Variants in ILRUN observed in about 807,000 individuals in gnomAD.
ILRUN encodes inflammation and lipid regulator with UBA-like and NBR1-like domains.
Under a neutral mutation model 33.8 loss-of-function variants are expected in ILRUN, and 3 were observed. That is an observed-to-expected ratio of 0.09 (90% CI 0.04 to 0.23). The LOEUF is 0.23. Among genes scored for constraint, ILRUN ranks in the 10% least tolerant of loss-of-function variants. The probability of loss-of-function intolerance (pLI) is 1.00; values close to 1 mark genes in which losing one functional copy is unlikely to be tolerated. For synonymous variants in ILRUN, 124 were observed against 138.9 expected (o/e 0.89, Z 0.75); for missense variants, 210 against 375.1 (o/e 0.56, Z 3.64).
At chr6:34,680,510 A>G (rs1442734337) in intron 1 of ILRUN, among the ~76,000 whole-genome samples, 1 of 151,884 alleles carries the variant, frequency 6.6e-6, no homozygotes, top group African/African-American at 2.4e-5. Context: ...TGCTGCCCAG[A>G]CTGGAGTGCA....
At chr6:34,614,503 TTA>T (rs57837585) in intron 3 of ILRUN, among the ~76,000 whole-genome samples, 94 of 141,916 alleles carry the variant, frequency 6.6e-4, no homozygotes, top group African/African-American at 9.8e-4. Context: ...ATATTATATT[TTA>T]TATATATATA....
At chr6:34,651,788 A>AT (rs1762675788) in intron 2 of ILRUN, among the ~76,000 whole-genome samples, 1 of 138,298 alleles carries the variant, frequency 7.2e-6, no homozygotes, top group African/African-American at 2.8e-5. Flanking sequence ...ATTCCAAAAA[A>AT]CTTTTTTTTT....
intron 4 of ILRUN, among the ~76,000 whole-genome samples, chr6:34,596,581 T>C (rs1490646163): frequency 6.6e-6 from 1 of 152,196 alleles, no homozygotes; most frequent in African/African-American, 2.4e-5. Context: ...CCAAAAGTGC[T>C]GGGATTACAG....
chr6:34,608,471 G>A (rs1011909223), intron 3 of ILRUN, among the ~76,000 whole-genome samples: 2 of 152,158 alleles, frequency 1.3e-5, no homozygotes, highest in Non-Finnish European at 2.9e-5. Context: ...TACCTGCCTA[G>A]GGAACTTACC....
At chr6:34,615,817 C>T (rs549250747) in intron 3 of ILRUN, among the ~76,000 whole-genome samples, 4 of 152,130 alleles carry the variant, frequency 2.6e-5, no homozygotes, top group Non-Finnish European at 4.4e-5. Flanking sequence ...GGGAAACGCT[C>T]CCTTTCCCAG....
At chr6:34,622,118 A>G (rs986452471) in intron 3 of ILRUN, among the ~76,000 whole-genome samples, 1 of 152,208 alleles carries the variant, frequency 6.6e-6, no homozygotes. Flanking sequence ...CAAAGACCTA[A>G]CCATATGAGC....
intron 3 of ILRUN, among the ~76,000 whole-genome samples, chr6:34,644,343 T>C (rs1291590919): frequency 1.3e-5 from 2 of 152,324 alleles, no homozygotes; most frequent in East Asian, 1.9e-4. Context: ...AGCTCAACAT[T>C]TTTGAGTTAT....
At chr6:34,662,552 AT>A (rs1446498972) in intron 1 of ILRUN, among the ~76,000 whole-genome samples, 2 of 152,242 alleles carry the variant, frequency 1.3e-5, no homozygotes, top group African/African-American at 4.8e-5. Context: ...ATGGGATATT[AT>A]TTAGCCTTAA....
At chr6:34,690,469 A>T (rs1265251323) in intron 1 of ILRUN, among the ~76,000 whole-genome samples, 1 of 152,068 alleles carries the variant, frequency 6.6e-6, no homozygotes, top group African/African-American at 2.4e-5. Flanking sequence ...TCAAAAAAAA[A>T]TTAAAAATAA....
At position 34,642,633 on chromosome 6, in the gene ILRUN, A is replaced by AT. The variant is rs1485089496; in HGVS notation, c.511+3967dup. ...TCAAGAGCAAAGGTCATGGCAACAA[A>AT]TTTTTTTTGGCTCCGCAGGATATGT... On this transcript the variant is annotated intron_variant, in intron 3 of 4. Transcript: ENST00000374023. Among the ~76,000 whole-genome samples the AT allele has an allele frequency of 5.9e-5, 9 of 151,878 alleles. 2 individuals carry two copies. Among genetic ancestry groups the AT allele is most frequent in the South Asian group, 2.1e-4 (1 of 4,806 alleles).
At chr6:34,619,375 A>G (rs1761963352) in intron 3 of ILRUN, among the ~76,000 whole-genome samples, 2 of 152,152 alleles carry the variant, frequency 1.3e-5, no homozygotes, top group South Asian at 2.1e-4. Context: ...TTTGAGACAG[A>G]GAGTCTCACT....
At chr6:34,595,058 A>G (rs2127307957) in intron 4 of ILRUN, among the ~76,000 whole-genome samples, 1 of 152,350 alleles carries the variant, frequency 6.6e-6, no homozygotes, top group East Asian at 1.9e-4. Context: ...AGACATAAAG[A>G]TGAGCTCAGT....
At chr6:34,675,607 A>T (rs944754718) in intron 1 of ILRUN, among the ~76,000 whole-genome samples, 2 of 152,174 alleles carry the variant, frequency 1.3e-5, no homozygotes, top group African/African-American at 2.4e-5. Context: ...AGAAATCAAA[A>T]AGGAAAAGAC....
chr6:34,665,050 G>C (rs1039914077), intron 1 of ILRUN, among the ~76,000 whole-genome samples: 1 of 151,918 alleles, frequency 6.6e-6, no homozygotes, highest in Admixed American at 6.6e-5. Context: ...AGCTCACTGC[G>C]GGTTTGAACT....
chr6:34,608,146 C>A (rs572333365), intron 3 of ILRUN, among the ~76,000 whole-genome samples: 2 of 151,750 alleles, frequency 1.3e-5, no homozygotes, highest in African/African-American at 4.8e-5. Flanking sequence ...GTAATCCCAA[C>A]ACTCTGGGAG....
intron 1 of ILRUN, among the ~76,000 whole-genome samples, chr6:34,690,936 G>C (rs536897570): frequency 5.9e-5 from 9 of 152,228 alleles, no homozygotes; most frequent in Non-Finnish European, 8.8e-5. Flanking sequence ...CTAGGCTGGA[G>C]TGCAGTGGCG....
At chr6:34,651,789 C>CT (rs11288958) in intron 2 of ILRUN, among the ~76,000 whole-genome samples, 1,462 of 102,798 alleles carry the variant, frequency 0.014, 5 homozygotes, top group East Asian at 0.02. Flanking sequence ...TTCCAAAAAA[C>CT]TTTTTTTTTT....
intron 1 of ILRUN, chr6:34,685,399 T>TA (rs1316790929): frequency 6.6e-6 from 1 of 152,186 alleles, no homozygotes; most frequent in African/African-American, 2.4e-5. Flanking sequence ...TTCACAGATG[T>TA]AATCCCACTA....
chr6:34,650,108 T>C (rs1234972358), intron 2 of ILRUN, among the ~76,000 whole-genome samples: 1 of 152,208 alleles, frequency 6.6e-6, no homozygotes, highest in Non-Finnish European at 1.5e-5. Context: ...TATCATAACA[T>C]GCACAGCTTA....
Sources: allele counts gnomAD v4.1 joint callset (sites outside exome capture counted in the v4.1 genomes callset), GRCh38; gene constraint gnomAD v4.1.1; transcripts MANE v1.5; gene names NCBI Gene and HGNC (gene_info 2026-07-23, HGNC 2026-07-21).